Variants in PDE8B observed in about 807,000 individuals in gnomAD.
PDE8B encodes the protein high affinity cAMP-specific and IBMX-insensitive 3',5'-cyclic phosphodiesterase 8B.
Under a neutral mutation model 101.3 loss-of-function variants are expected in PDE8B, and 26 were observed. The ratio of observed to expected loss-of-function variants is 0.26; its 90% CI spans 0.19 to 0.36. The LOEUF (loss-of-function observed/expected upper bound fraction) is 0.36, where lower values mean the gene tolerates loss of function less well. Among genes scored for constraint, PDE8B ranks in the 10% least tolerant of loss-of-function variants. The pLI is 1.00. For synonymous variants in PDE8B, 424 were observed against 429.3 expected (o/e 0.99, Z 0.15); for missense variants, 810 against 1,163.1 (o/e 0.70, Z 4.42).
At chr5:77,198,318 T>A in the PDE8B span, among the ~76,000 whole-genome samples, 1 of 152,298 alleles carries the variant, frequency 6.6e-6, no homozygotes, top group East Asian at 1.9e-4. Flanking sequence ...TGTAAACTGT[T>A]TGCTTACAGC....
chr5:77,426,113 G>A (rs3816609), intron 21 of PDE8B: 173,946 of 615,866 alleles, frequency 0.28, 27,680 homozygotes, highest in Non-Finnish European at 0.33. Flanking sequence ...TTTGATAGCT[G>A]GATAAACGAG....
At chr5:77,334,730 A>G (rs929894963) in intron 5 of PDE8B, among the ~76,000 whole-genome samples, 7 of 152,358 alleles carry the variant, frequency 4.6e-5, no homozygotes, top group Non-Finnish European at 1.0e-4. Flanking sequence ...GCTCACACTC[A>G]TGACAAAGTC....
intron 1 of PDE8B, among the ~76,000 whole-genome samples, chr5:77,308,802 CA>C (rs1345183085): frequency 2.0e-5 from 3 of 152,114 alleles, no homozygotes; most frequent in Non-Finnish European, 2.9e-5. Context: ...CTGGTAGAGT[CA>C]AAAGTCGCCT....
At chr5:77,180,168 G>T in the PDE8B span, among the ~76,000 whole-genome samples, 86 of 152,304 alleles carry the variant, frequency 5.6e-4, no homozygotes, top group Non-Finnish European at 6.5e-4. Context: ...GGCCAGGAAG[G>T]TGTTGCCCAG....
rs575553803 is a variant in PDE8B at position 77,244,604 on chromosome 5, T to A, written c.339+33340T>A. ...AATAATAATAATAATAACCAACCTG[T>A]ATATAGTTCTCACTTTATACTAAGT... On this transcript the variant is annotated intron_variant, in intron 1 of 21. Transcript: ENST00000264917. Among the ~76,000 whole-genome samples the A allele has an allele frequency of 3.3e-5, 5 of 152,304 alleles. No homozygotes were observed. The South Asian group carries it at 1.0e-3, about 32-fold the overall frequency.
chr5:77,325,445 AG>A (rs1296309829), intron 2 of PDE8B, 93 bp from the exon 3 acceptor site: 2 of 1,111,566 alleles, frequency 1.8e-6, no homozygotes, highest in Non-Finnish European at 1.4e-6. Context: ...CTGGGATTAC[AG>A]GCATGAGCCA....
chr5:77,132,784 T>C, the PDE8B span, among the ~76,000 whole-genome samples: 1 of 152,350 alleles, frequency 6.6e-6, no homozygotes, highest in Middle Eastern at 3.4e-3. Context: ...TTGGTGGTTC[T>C]TATTCTCTAG....
the PDE8B span, among the ~76,000 whole-genome samples, chr5:77,193,309 G>A: frequency 7.2e-5 from 11 of 151,888 alleles, no homozygotes; most frequent in Admixed American, 2.6e-4. Flanking sequence ...TAAATTCTAC[G>A]ATCCATTTCA....
chr5:77,309,258 GGAAAGAGAGAGAAA>G (rs1400326751), intron 1 of PDE8B, among the ~76,000 whole-genome samples: 2 of 143,604 alleles, frequency 1.4e-5, no homozygotes, highest in South Asian at 2.3e-4. Flanking sequence ...GGGAAGGAGA[GGAAAGAGAGAGAAA>G]GAAAGAGAGA....
Position 77,412,120 on chromosome 5 carries a change from C to T in PDE8B, c.1597C>T (p.His533Tyr), listed in dbSNP as rs772793006. ...FTKNVHQSHS[H>Y]LAMPITINDV... The stretch of plus-strand genomic sequence containing the variant: ...CTCAGATGTGCACCAGAGTCACAGT[C>T]ACCTTGCAATGCCAATAACCATCAA... The change falls in exon 16 of 22, where the codon CAC (histidine) becomes TAC (tyrosine). Residue 533 changes from histidine to tyrosine, a missense_variant. His to Tyr is a moderately conservative substitution (Grantham distance 83, BLOSUM62 2). Coordinates refer to ENST00000264917, the MANE Select transcript of PDE8B (RefSeq NM_003719.5). 1.9e-6 allele frequency: 3 copies of T among 1,614,102 alleles called. No individual in the cohort carries two copies. The highest frequency in any genetic ancestry group is 1.7e-5 in the Admixed American group (1 of 60,028).
chr5:77,160,749 C>G, the PDE8B span, among the ~76,000 whole-genome samples: 56 of 152,218 alleles, frequency 3.7e-4, no homozygotes, highest in African/African-American at 1.3e-3. Flanking sequence ...CTCCTAGGCT[C>G]AAGTGATCCT....
chr5:77,111,870 CT>C, the PDE8B span: 1 of 152,104 alleles, frequency 6.6e-6, no homozygotes, highest in African/African-American at 2.4e-5. Context: ...ACTGGGTCCT[CT>C]CTAATAGGCT....
the PDE8B span, among the ~76,000 whole-genome samples, chr5:77,135,473 ATTT>A: frequency 9.9e-5 from 12 of 121,504 alleles, no homozygotes; most frequent in African/African-American, 2.3e-4. Context: ...AGCCAGAGGA[ATTT>A]TTTTTTTTTT....
chr5:77,150,755 G>C, the PDE8B span, among the ~76,000 whole-genome samples: 2 of 152,176 alleles, frequency 1.3e-5, no homozygotes, highest in Admixed American at 1.3e-4. Context: ...TTATATACTA[G>C]CTACTATGAA....
intron 1 of PDE8B, among the ~76,000 whole-genome samples, chr5:77,239,456 T>C (rs1205387658): frequency 1.3e-5 from 2 of 152,192 alleles, no homozygotes; most frequent in Non-Finnish European, 2.9e-5. Flanking sequence ...AAACAACCTA[T>C]GGCTTCGATT....
rs2151266185 is a variant in PDE8B, at chr5:77,427,815, C to T, written c.*1261C>T. 6.6e-6 allele frequency: 1 copy of T among 152,294 alleles called. No homozygotes were observed. Among genetic ancestry groups the T allele is most frequent in the South Asian group, 2.1e-4 (1 of 4,824 alleles). The allele number at this position is 152,294 out of a possible 1,614,324, so 9.4% of individuals were successfully genotyped here. On this transcript the variant is annotated 3_prime_UTR_variant, in exon 22 of 22. Coordinates refer to ENST00000264917, the MANE Select transcript of PDE8B (RefSeq NM_003719.5). The stretch of plus-strand genomic sequence containing the variant: ...CTTCCTATGTATTATAAATATTAGA[C>T]TCCGTAAACAAACTTCATTTTTCTT...
At chr5:77,183,980 TAA>T in the PDE8B span, among the ~76,000 whole-genome samples, 7,262 of 150,508 alleles carry the variant, frequency 0.048, 572 homozygotes, top group African/African-American at 0.16. Flanking sequence ...TTTTTTTTTT[TAA>T]AAAAAAACAG....
chr5:77,277,661 CTCT>C (rs1161085108), intron 1 of PDE8B, among the ~76,000 whole-genome samples: 2 of 152,168 alleles, frequency 1.3e-5, no homozygotes, highest in South Asian at 2.1e-4. Flanking sequence ...CCTGCCATTT[CTCT>C]TCTTTCTCTT....
In PDE8B at chr5:77,426,573, G is replaced by C. The variant is rs372271358; in HGVS notation, c.*19G>C. 9.7e-6 allele frequency: 13 copies of C among 1,334,974 alleles called. No homozygotes were observed. The highest frequency in any genetic ancestry group is 1.3e-5 in the Non-Finnish European group (12 of 926,144). The allele number at this position is 1,334,974 out of a possible 1,614,324, so 82.7% of individuals were successfully genotyped here. A position where few individuals can be genotyped will look rare whatever the true frequency, so the allele number is the denominator to read the frequency against. On this transcript the variant is annotated 3_prime_UTR_variant, in exon 22 of 22. Coordinates refer to ENST00000264917, the MANE Select transcript of PDE8B (RefSeq NM_003719.5). ...CAGCTAAAGCCAAGCCACAGAGGGG[G>C]CCTCTTGACCGACAAAGGACACTGT...
Sources: allele counts gnomAD v4.1 joint callset (sites outside exome capture counted in the v4.1 genomes callset), GRCh38; gene constraint gnomAD v4.1.1; transcripts MANE v1.5; gene names NCBI Gene and HGNC (gene_info 2026-07-23, HGNC 2026-07-21).